GRIK5: variants seen among roughly 807,000 people sequenced by gnomAD.
GRIK5 encodes glutamate receptor ionotropic, kainate 5.
In GRIK5, 43 loss-of-function variants were observed where a neutral mutation model predicts 97.4. That is an observed-to-expected ratio of 0.44 (90% CI 0.35 to 0.57). The LOEUF is 0.57. Among genes scored for constraint, GRIK5 ranks in the 20% least tolerant of loss-of-function variants. GRIK5 has a pLI of 0.01. For missense variants in GRIK5, 1,015 were observed against 1,382.0 expected (o/e 0.73, Z 4.21); for synonymous variants, 580 against 583.5 (o/e 0.99, Z 0.09).
chr19:42,069,140 C>A (rs933668355), intron 1 of GRIK5, 101 bp downstream of exon 1: 8 of 405,454 alleles, frequency 2.0e-5, no homozygotes, highest in Admixed American at 8.8e-5. Context: ...CTTGCCAGTC[C>A]GGAGAACGGG....
In GRIK5 at chr19:42,022,011, C is replaced by G; in HGVS notation, c.1633G>C (p.Ala545Pro). 6.2e-7 allele frequency: 1 copy of G among 1,613,988 alleles called. No individual in the cohort carries two copies. The highest frequency in any genetic ancestry group is 1.7e-4 in the Middle Eastern group (1 of 6,054). The change falls in exon 14 of 20, where the codon GCT (alanine) becomes CCT (proline). Residue 545 changes from alanine to proline, a missense_variant. Physicochemically the swap from Ala to Pro is conservative, Grantham distance 27. This residue lies in a region of GRIK5 where 477 missense variants were observed against 701.1 expected (regional missense o/e 0.68). Transcript: ENST00000593562. The surrounding 1 kb of genome is among the most constrained non-coding windows in gnomAD (Gnocchi z 4.2). ...YFSFLDPFSPAVWLFMLLAYL... is the reference protein window; with the variant it reads ...YFSFLDPFSPPVWLFMLLAYL... ...GCAAGAAGCATGAAGAGCCACACAG[C>G]AGGGGAGAAGGGGTCCAGGAAGGAG...
chr19:42,023,470 C>T (rs2075728433), intron 12 of GRIK5, among the ~76,000 whole-genome samples: 2 of 152,204 alleles, frequency 1.3e-5, no homozygotes, highest in Admixed American at 6.5e-5. Context: ...TTATTTTAAG[C>T]ACCCACTGGG....
chr19:42,031,147 A>G (rs1380176148), intron 12 of GRIK5, among the ~76,000 whole-genome samples: 2 of 152,208 alleles, frequency 1.3e-5, no homozygotes, highest in Non-Finnish European at 2.9e-5. Context: ...AGCAACTGCA[A>G]TTGGAGTCAC....
In GRIK5 at chr19:42,056,770, C is replaced by T. The variant is rs1568926355; in HGVS notation, c.795G>A (p.Leu265=). The change falls in exon 8 of 20, where the codon CTG becomes CTA. Residue 265 remains leucine, a synonymous_variant. Coordinates refer to ENST00000593562, the MANE Select transcript of GRIK5 (RefSeq NM_002088.5). The part of the protein sequence containing the change: ...DGIVEDSSNI[L]GFSMFNTSHP... ...GGGACGTGTTGAACATGGAGAAGCCCAGGATGTTGGAGGAGTCCTCCACAA... is the reference window on the plus strand; with the variant it reads ...GGGACGTGTTGAACATGGAGAAGCCTAGGATGTTGGAGGAGTCCTCCACAA... 1 of 1,614,076 alleles carries T rather than the reference C, an allele frequency of 6.2e-7. No individual in the cohort carries two copies. Among genetic ancestry groups the T allele is most frequent in the South Asian group, 1.1e-5 (1 of 91,076 alleles).
At position 42,065,202 on chromosome 19, in the gene GRIK5, C is replaced by A; in HGVS notation, c.244+21G>T. ...CACCGACCTGCCCTGCCTCACCCCACGCCCCCATGGCCCCGCTCACTGGTG... is the reference window on the plus strand; with the variant it reads ...CACCGACCTGCCCTGCCTCACCCCAAGCCCCCATGGCCCCGCTCACTGGTG... On this transcript the variant is annotated intron_variant, in intron 3 of 19. Coordinates refer to ENST00000593562, the MANE Select transcript of GRIK5 (RefSeq NM_002088.5). The surrounding 1 kb of genome is among the most constrained non-coding windows in gnomAD (Gnocchi z 5.8). 2 of 1,595,894 alleles carry A rather than the reference C, an allele frequency of 1.3e-6. No individual in the cohort carries two copies. The highest frequency in any genetic ancestry group is 1.1e-5 in the South Asian group (1 of 89,588).
intron 6 of GRIK5, among the ~76,000 whole-genome samples, chr19:42,058,919 C>G (rs142260844): frequency 3.9e-5 from 6 of 152,134 alleles, no homozygotes; most frequent in African/African-American, 1.2e-4. Context: ...TTCAGAGCTA[C>G]GATGTAGCCA....
At chr19:42,053,792 G>T (rs906569335) in intron 10 of GRIK5, 33 bp downstream of exon 10, 1 of 1,559,406 alleles carries the variant, frequency 6.4e-7, no homozygotes, top group African/African-American at 1.4e-5. Context: ...CCTCACCCCA[G>T]CAGGGCTCTG....
At chr19:42,030,112 C>G (rs2075823936) in intron 12 of GRIK5, among the ~76,000 whole-genome samples, 1 of 152,174 alleles carries the variant, frequency 6.6e-6, no homozygotes, top group Admixed American at 6.5e-5. Flanking sequence ...ATTCTTTATA[C>G]TAAATACTCT....
chr19:42,040,575 G>A (rs2075965337), intron 12 of GRIK5, among the ~76,000 whole-genome samples: 1 of 152,152 alleles, frequency 6.6e-6, no homozygotes, highest in South Asian at 2.1e-4. Context: ...AATTCACCCT[G>A]GGCTGGGTGT....
chr19:42,020,141 A>T (rs1432158101), intron 15 of GRIK5, among the ~76,000 whole-genome samples: 4 of 152,304 alleles, frequency 2.6e-5, no homozygotes, highest in African/African-American at 4.8e-5. Flanking sequence ...AAAACCATTT[A>T]AAAAAGCCAT....
chr19:42,027,726 G>A (rs975016946), intron 12 of GRIK5, among the ~76,000 whole-genome samples: 1 of 152,138 alleles, frequency 6.6e-6, no homozygotes, highest in African/African-American at 2.4e-5. Context: ...AAGGTGTGAT[G>A]GAAGGATCCT....
rs913076023 is a variant in GRIK5, at chr19:42,002,168, C to A, written c.2514+1164G>T. 1.4e-6 allele frequency: 1 copy of A among 717,332 alleles called. No individual in the cohort carries two copies. The highest frequency in any genetic ancestry group is 2.6e-6 in the Non-Finnish European group (1 of 385,106). The allele number at this position is 717,332 out of a possible 1,614,324, so 44.4% of individuals were successfully genotyped here. A position where few individuals can be genotyped will look rare whatever the true frequency, so the allele number is the denominator to read the frequency against. On this transcript the variant is annotated intron_variant, in intron 19 of 19. Coordinates refer to ENST00000593562, the MANE Select transcript of GRIK5 (RefSeq NM_002088.5). This position sits in a 1 kb window ranked among gnomAD's most constrained non-coding sequence, Gnocchi z 5.2. ...GTGGCTTCAGTGGAGTGGCAGGGAC[C>A]GATGCCAGACTGGAGTGGGGGGCAA...
chr19:42,041,365 G>C (rs1258722438), intron 12 of GRIK5, among the ~76,000 whole-genome samples: 1 of 152,164 alleles, frequency 6.6e-6, no homozygotes, highest in Non-Finnish European at 1.5e-5. Context: ...GCACAGTCCT[G>C]CCTCTGGGCA....
At chr19:42,058,497 TAA>T (rs768853670) in intron 6 of GRIK5, among the ~76,000 whole-genome samples, 5 of 132,138 alleles carry the variant, frequency 3.8e-5, no homozygotes, top group Admixed American at 7.7e-5. Context: ...TGGTTTTAAT[TAA>T]AAAAAAAAAA....
chr19:42,002,533 T>C lies in GRIK5; in HGVS notation c.2514+799A>G, dbSNP rs1555871248. ...TGCAGAACACTGGCAGGCAGCTGGATGCAGAGCTGGGGTCTGGGGAGTAGA... is the reference window on the plus strand; with the variant it reads ...TGCAGAACACTGGCAGGCAGCTGGACGCAGAGCTGGGGTCTGGGGAGTAGA... On this transcript the variant is annotated intron_variant, in intron 19 of 19. Coordinates refer to ENST00000593562, the MANE Select transcript of GRIK5 (RefSeq NM_002088.5). The surrounding 1 kb of genome is among the most constrained non-coding windows in gnomAD (Gnocchi z 5.2). 4 of 700,306 alleles carry C rather than the reference T, an allele frequency of 5.7e-6. No homozygotes were observed. The African/African-American group carries it at 7.0e-5, about 12-fold the overall frequency. The allele number at this position is 700,306 out of a possible 1,614,324, so 43.4% of individuals were successfully genotyped here.
At chr19:42,024,721 G>A (rs758670407) in intron 12 of GRIK5, among the ~76,000 whole-genome samples, 8 of 152,018 alleles carry the variant, frequency 5.3e-5, no homozygotes, top group Admixed American at 1.3e-4. Flanking sequence ...CTCCCCCACC[G>A]CATTCCTGGG....
chr19:42,029,425 T>C (rs183466754), intron 12 of GRIK5, among the ~76,000 whole-genome samples: 5 of 150,932 alleles, frequency 3.3e-5, no homozygotes, highest in Admixed American at 2.0e-4. Flanking sequence ...CTAGCCAACA[T>C]GGTGAAACCC....
At chr19:42,031,148 T>C (rs111868156) in intron 12 of GRIK5, among the ~76,000 whole-genome samples, 44 of 152,304 alleles carry the variant, frequency 2.9e-4, no homozygotes, top group African/African-American at 1.0e-3. Context: ...GCAACTGCAA[T>C]TGGAGTCACC....
At chr19:42,047,994 A>G (rs1015326890) in intron 11 of GRIK5, among the ~76,000 whole-genome samples, 2 of 150,294 alleles carry the variant, frequency 1.3e-5, no homozygotes, top group Non-Finnish European at 3.0e-5. Flanking sequence ...AAAAAAAAAG[A>G]AAAAAATGTA....
Sources: gnomAD v4.1 joint callset for allele counts (sites outside exome capture counted in the v4.1 genomes callset) on GRCh38, gnomAD v4.1.1 for gene constraint, gnomAD v4.1.1 regional missense constraint, Gnocchi (gnomAD v3.1) non-coding constraint, MANE v1.5 for transcripts, NCBI Gene and HGNC (gene_info 2026-07-23, HGNC 2026-07-21) for gene names.